The following FAM162A variants were observed in gnomAD, a reference collection of about 807,000 sequenced individuals.
FAM162A encodes family with sequence similarity 162 member A.
In FAM162A, 23 loss-of-function variants were observed where a neutral mutation model predicts 21.8. The ratio of observed to expected loss-of-function variants is 1.05; its 90% CI spans 0.76 to 1.49. The LOEUF (loss-of-function observed/expected upper bound fraction) is 1.49. FAM162A is among the 40% of genes most tolerant of loss of function. FAM162A has a pLI of 0.00. For missense variants in FAM162A, 165 were observed against 186.4 expected, an observed-to-expected ratio of 0.89 and a Z score of 0.67; for synonymous variants, 53 against 61.3, an observed-to-expected ratio of 0.86 and a Z score of 0.64.
chr3:122,406,526 T>C (rs2075677022), intron 3 of FAM162A, among the ~76,000 whole-genome samples: 1 of 152,146 alleles, frequency 6.6e-6, no homozygotes. Context: ...AACCATCAAC[T>C]TTTTTTTAAG....
chr3:122,384,185 C>T lies in FAM162A; in HGVS notation c.-81C>T, dbSNP rs1370234791. ...CGGCGCCGCCTGCGTCCTTCCCACT[C>T]CAACGCTGGGTGACATTGAGCTCAC... is the stretch of plus-strand genomic sequence containing the variant. On this transcript the variant is annotated 5_prime_UTR_variant, in exon 1 of 5. Transcript: ENST00000477892. The T allele has an allele frequency of 1.2e-5, 19 of 1,537,088 alleles. No individual in the cohort carries two copies. Among genetic ancestry groups the T allele is most frequent in the Non-Finnish European group, 1.7e-5 (19 of 1,136,316 alleles).
chr3:122,400,718 G>A lies in FAM162A; in HGVS notation c.35-2042G>A, dbSNP rs113882745. Among the ~76,000 whole-genome samples, 295 of 151,972 alleles carry A rather than the reference G, an allele frequency of 1.9e-3. 2 individuals are homozygous for A. The highest frequency in any genetic ancestry group is 6.7e-3 in the African/African-American group (278 of 41,468). ...GGCAGGCGCCTGTATTCCCAGCTAC[G>A]TGGGAGGCTGAGGCAGGAGAATCAC... On this transcript the variant is annotated intron_variant, in intron 1 of 4. Coordinates refer to ENST00000477892, the MANE Select transcript of FAM162A (RefSeq NM_014367.4).
At chr3:122,388,922 G>A (rs1184068769) in intron 1 of FAM162A, among the ~76,000 whole-genome samples, 6 of 152,052 alleles carry the variant, frequency 3.9e-5, no homozygotes, top group Admixed American at 1.3e-4. Flanking sequence ...GGTGGTGGGC[G>A]CCTGTAGTCC....
In FAM162A at chr3:122,384,294, C is replaced by T. The variant is rs140995238; in HGVS notation, c.29C>T (p.Ala10Val). Residue 10 changes from alanine to valine, a missense_variant, in exon 1 of 5, where the codon GCA becomes GTA. Transcript: ENST00000477892. ...GGGAGCCTCAGCGGTCTGCGCCTGG[C>T]AGCAGGTGAGACGCCGGTCGGGATA... MGSLSGLRL[A>V]AGSCFRLCER... is the part of the protein sequence containing the mutation. 0.019 allele frequency: 30,012 copies of T among 1,578,390 alleles called. 353 individuals are homozygous for T. The highest frequency in any genetic ancestry group is 0.023 in the Non-Finnish European group (27,022 of 1,162,356).
intron 1 of FAM162A, among the ~76,000 whole-genome samples, chr3:122,389,014 A>G (rs945019180): frequency 4.6e-5 from 7 of 151,666 alleles, no homozygotes; most frequent in Non-Finnish European, 1.0e-4. Flanking sequence ...ACAGCACTGC[A>G]CTCCAGCCTG....
Position 122,408,298 on chromosome 3 carries a change from A to G in FAM162A, c.372+909A>G, listed in dbSNP as rs186987759. Among the ~76,000 whole-genome samples the G allele has an allele frequency of 2.6e-5, 4 of 152,356 alleles. No homozygotes were observed. In the East Asian group the frequency reaches 5.8e-4, roughly 22 times the overall value. On this transcript the variant is annotated intron_variant, in intron 4 of 4. Transcript: ENST00000477892. ...AAACCTCATACTATACTATCTTGCT[A>G]TTAAGCCATAGTTATTTTTATATTC... is the stretch of plus-strand genomic sequence containing the variant.
Position 122,409,888 on chromosome 3 carries a change from C to A in FAM162A, c.*57C>A. 5 of 1,471,434 alleles carry A rather than the reference C, an allele frequency of 3.4e-6. No homozygotes were observed. Among genetic ancestry groups the A allele is most frequent in the Non-Finnish European group, 4.8e-6 (5 of 1,051,778 alleles). 91.1% of individuals were successfully genotyped at this position (1,471,434 alleles called of 1,614,324 possible). ...ATCCAGGAATTATGTTATAACGTGC[C>A]TGTATTAAAAAGGATGTGGTATGAG... On this transcript the variant is annotated 3_prime_UTR_variant, in exon 5 of 5. Transcript: ENST00000477892.
chr3:122,408,418 T>A (rs2075686643), intron 4 of FAM162A, among the ~76,000 whole-genome samples: 1 of 152,268 alleles, frequency 6.6e-6, no homozygotes, highest in Non-Finnish European at 1.5e-5. Context: ...TACTTTAAGA[T>A]ACTAAAAAGG....
chr3:122,392,858 T>G (rs1401859269), intron 1 of FAM162A, among the ~76,000 whole-genome samples: 1 of 152,076 alleles, frequency 6.6e-6, no homozygotes, highest in African/African-American at 2.4e-5. Context: ...AATTGAAAAG[T>G]GTTCTAGAAG....
Position 122,407,278 on chromosome 3 carries a change from T to C in FAM162A, c.264-3T>C, listed in dbSNP as rs775815478. On this transcript the variant is annotated splice_region_variant and splice_polypyrimidine_tract_variant and intron_variant, in intron 3 of 4. Coordinates refer to ENST00000477892, the MANE Select transcript of FAM162A (RefSeq NM_014367.4). The stretch of plus-strand genomic sequence containing the variant: ...TTCTCTCATGATCTCATTGTATTAC[T>C]AGGTTGGAGATGCTTGATGCTGCAA... 2.8e-5 allele frequency: 45 copies of C among 1,612,578 alleles called. No homozygotes were observed. The highest frequency in any genetic ancestry group is 3.8e-5 in the Non-Finnish European group (45 of 1,178,878).
chr3:122,410,090 A>C lies in FAM162A; in HGVS notation c.*259A>C, dbSNP rs986055650. ...ACAATTTATTTCAACTTGAATACCA[A>C]CTCTTCAGAGAAGCAGGTACCATAT... On this transcript the variant is annotated 3_prime_UTR_variant, in exon 5 of 5. Coordinates refer to ENST00000477892, the MANE Select transcript of FAM162A (RefSeq NM_014367.4). 11 of 442,882 alleles carry C rather than the reference A, an allele frequency of 2.5e-5. No homozygotes were observed. Among genetic ancestry groups the C allele is most frequent in the Non-Finnish European group, 4.6e-5 (11 of 238,560 alleles). The allele number at this position is 442,882 out of a possible 1,614,324, so 27.4% of individuals were successfully genotyped here.
intron 1 of FAM162A, among the ~76,000 whole-genome samples, chr3:122,386,903 G>A (rs558474055): frequency 1.3e-3 from 196 of 151,958 alleles, no homozygotes; most frequent in South Asian, 2.3e-3. Context: ...TGAGAGAGAG[G>A]GTCCATATTT....
At chr3:122,386,434 T>C (rs2075574774) in intron 1 of FAM162A, among the ~76,000 whole-genome samples, 1 of 151,954 alleles carries the variant, frequency 6.6e-6, no homozygotes, top group South Asian at 2.1e-4. Flanking sequence ...AAACCCATAG[T>C]CTCAGCTACT....
chr3:122,403,310 G>A (rs558094117), intron 2 of FAM162A, among the ~76,000 whole-genome samples: 55 of 152,324 alleles, frequency 3.6e-4, no homozygotes, highest in African/African-American at 1.3e-3. Flanking sequence ...CACATGCACA[G>A]TGGTTTCTTC....
intron 3 of FAM162A, among the ~76,000 whole-genome samples, chr3:122,405,239 C>A (rs559721909): frequency 1.3e-5 from 2 of 152,264 alleles, no homozygotes; most frequent in South Asian, 4.1e-4. Flanking sequence ...GTGGAAGTTC[C>A]CTGTCAGCAA....
intron 1 of FAM162A, among the ~76,000 whole-genome samples, chr3:122,397,059 C>A (rs2075631806): frequency 6.6e-6 from 1 of 152,072 alleles, no homozygotes; most frequent in Non-Finnish European, 1.5e-5. Context: ...TATATGAAAA[C>A]CACCAAATTT....
At chr3:122,407,201 T>C (rs1425327865) in intron 3 of FAM162A, 80 bp from the exon 4 acceptor site, 1 of 1,159,682 alleles carries the variant, frequency 8.6e-7, no homozygotes, top group Admixed American at 2.2e-5. Context: ...ATTTTGAATT[T>C]ATACACAGCC....
Position 122,384,310 on chromosome 3 carries a change from G to A in FAM162A, c.34+11G>A, listed in dbSNP as rs2075562259. 6 of 1,573,268 alleles carry A rather than the reference G, an allele frequency of 3.8e-6. 1 individual carries two copies. The South Asian group carries it at 4.7e-5, about 12-fold the overall frequency. On this transcript the variant is annotated intron_variant, in intron 1 of 4. Coordinates refer to ENST00000477892, the MANE Select transcript of FAM162A (RefSeq NM_014367.4). ...TGCGCCTGGCAGCAGGTGAGACGCC[G>A]GTCGGGATATGGGAGGTAGGGGAGC... is the stretch of plus-strand genomic sequence containing the variant.
rs2075695422 is a variant in FAM162A at position 122,409,774 on chromosome 3, C to T, written c.408C>T (p.Asn136=). Residue 136 remains asparagine, a synonymous_variant, in exon 5 of 5, where the codon AAC becomes AAT. Transcript: ENST00000477892. ...AQRHETLTSL[N]LEKKARLKEE... ...GACACGAGACTTTAACAAGCTTGAA[C>T]TTAGAAAAGAAAGCTCGTCTGAAAG... is the stretch of plus-strand genomic sequence containing the variant. 6.2e-7 allele frequency: 1 copy of T among 1,613,954 alleles called. No homozygotes were observed. The highest frequency in any genetic ancestry group is 1.3e-5 in the African/African-American group (1 of 74,902).
Sources: allele counts gnomAD v4.1 joint callset (sites outside exome capture counted in the v4.1 genomes callset), GRCh38; gene constraint gnomAD v4.1.1; transcripts MANE v1.5; gene names NCBI Gene and HGNC (gene_info 2026-07-23, HGNC 2026-07-21).